ZNF75A: variants seen among roughly 807,000 people sequenced by gnomAD.
ZNF75A encodes the protein zinc finger protein 75A.
Under a neutral mutation model 46.3 loss-of-function variants are expected in ZNF75A, and 36 were observed. The ratio of observed to expected loss-of-function variants is 0.78; its 90% CI spans 0.60 to 1.03. The LOEUF (loss-of-function observed/expected upper bound fraction) is 1.03. Among genes scored for constraint, ZNF75A ranks in the 50% least tolerant of loss-of-function variants. The pLI, the probability that ZNF75A is intolerant of heterozygous loss-of-function variation, is 0.00. For missense variants in ZNF75A, 595 were observed against 551.3 expected, an observed-to-expected ratio of 1.08 and a Z score of -0.79; for synonymous variants, 234 against 189.9, an observed-to-expected ratio of 1.23 and a Z score of -1.91.
At chr16:3,320,478 AAACTG>A, downstream of ZNF75A, among the ~76,000 whole-genome samples, 1 of 152,314 alleles carries the variant, frequency 6.6e-6, no homozygotes, top group East Asian at 1.9e-4. Flanking sequence ...CGTGGATACT[AAACTG>A]AGCTGATGCA....
chr16:3,323,390 T>G (rs1596406426), downstream of ZNF75A: 4 of 853,870 alleles, frequency 4.7e-6, no homozygotes, highest in East Asian at 7.2e-5. Flanking sequence ...GACACCAAAC[T>G]TCCCCAGGTG....
At position 3,318,486 on chromosome 16, in the gene ZNF75A, A is replaced by T; in HGVS notation, c.*617A>T. ...GGAAAATAGAAGACATCTCTAATGG[A>T]ATCATGGGGGAAACGGGTTGGAATT... is the stretch of plus-strand genomic sequence containing the variant. On this transcript the variant is annotated 3_prime_UTR_variant, in exon 7 of 7. Coordinates refer to ENST00000669516, the MANE Select transcript of ZNF75A (RefSeq NM_001302109.2). 1.0e-6 allele frequency: 1 copy of T among 985,426 alleles called. No individual in the cohort carries two copies. Among genetic ancestry groups the T allele is most frequent in the Non-Finnish European group, 1.2e-6 (1 of 829,926 alleles). 61.0% of individuals were successfully genotyped at this position (985,426 alleles called of 1,614,324 possible). A position where few individuals can be genotyped will look rare whatever the true frequency, so the allele number is the denominator to read the frequency against.
At chr16:3,315,733 C>T (rs56313873) in intron 5 of ZNF75A, among the ~76,000 whole-genome samples, 37,658 of 152,108 alleles carry the variant, frequency 0.25, 4,950 homozygotes, top group Admixed American at 0.31. Context: ...AGAACCCCAA[C>T]TGATTTTTTG....
chr16:3,311,045 A>G (rs950745535), intron 2 of ZNF75A: 2 of 698,248 alleles, frequency 2.9e-6, no homozygotes, highest in African/African-American at 2.0e-5. Context: ...AAAACTTTTA[A>G]ATTCATTTAT....
chr16:3,322,884 G>C (rs766877824), downstream of ZNF75A: 10 of 985,090 alleles, frequency 1.0e-5, no homozygotes, highest in Non-Finnish European at 1.2e-5. Flanking sequence ...ACAAATGCTA[G>C]AGTTACTCAT....
At chr16:3,319,840 C>G (rs1295090796), downstream of ZNF75A, among the ~76,000 whole-genome samples, 1 of 150,306 alleles carries the variant, frequency 6.7e-6, no homozygotes, top group Non-Finnish European at 1.5e-5. Context: ...CAGTGCTCTC[C>G]TTTCCTGCCT....
intron 5 of ZNF75A, among the ~76,000 whole-genome samples, chr16:3,314,083 A>G (rs1239829502): frequency 1.3e-5 from 2 of 152,044 alleles, no homozygotes; most frequent in Admixed American, 1.3e-4. Flanking sequence ...ATATCTTTTT[A>G]TTAACTTTCC....
intron 4 of ZNF75A, 71 bp downstream of exon 4, chr16:3,312,839 G>T (rs970872989): frequency 9.1e-6 from 11 of 1,213,816 alleles, no homozygotes; most frequent in Non-Finnish European, 1.2e-5. Context: ...TCCAGGAGGG[G>T]TTCAGAGGTG....
chr16:3,311,813 A>C lies in ZNF75A; in HGVS notation c.469A>C (p.Ser157Arg), dbSNP rs976121969. ...VLLGETAEAS[S>R]FGLKPTESQP... ...CTTGGGAGAAACAGCAGAGGCCTCA[A>C]GTTTCGGGCTGAAGCCAACAGAGTC... Residue 157 changes from serine to arginine, a missense_variant, in exon 3 of 7, where the codon AGT becomes CGT. Ser to Arg is a moderately radical substitution (Grantham distance 110, BLOSUM62 -1). Coordinates refer to ENST00000669516, the MANE Select transcript of ZNF75A (RefSeq NM_001302109.2). 27 of 1,049,442 alleles carry C rather than the reference A, an allele frequency of 2.6e-5. No individual in the cohort carries two copies. The Admixed American group carries it at 1.0e-3, about 40-fold the overall frequency. The allele number at this position is 1,049,442 out of a possible 1,614,324, so 65.0% of individuals were successfully genotyped here. A position where few individuals can be genotyped will look rare whatever the true frequency, so the allele number is the denominator to read the frequency against.
Position 3,317,865 on chromosome 16 carries a change from T to C in ZNF75A, c.1610T>C (p.Leu537Pro), listed in dbSNP as rs1961350003. ...CTTCTTAGACACCAGAAACTCCACC[T>C]GTGAAGAGAAGCTTGTCCAGTGTCC... ...SSLLRHQKLHL is the reference protein window; with the variant it reads ...SSLLRHQKLHP Residue 537 changes from leucine (L) to proline (P), a missense_variant, in exon 7 of 7, where the codon CTG (leucine) becomes CCG (proline). By Grantham distance (98) the Leu-to-Pro change is moderately conservative. Transcript: ENST00000669516. 6.2e-7 allele frequency: 1 copy of C among 1,601,464 alleles called. No homozygotes were observed. Among genetic ancestry groups the C allele is most frequent in the Non-Finnish European group, 8.5e-7 (1 of 1,173,322 alleles).
Position 3,314,620 on chromosome 16 carries a change from C to T in ZNF75A, c.823+1445C>T, listed in dbSNP as rs189942452. On this transcript the variant is annotated intron_variant, in intron 5 of 6. Coordinates refer to ENST00000669516, the MANE Select transcript of ZNF75A (RefSeq NM_001302109.2). ...TTCTGCCTTCGCCCCCGTGGGCCCC[C>T]GCCTTTTTTTTTCTTAAATCGTATT... The T allele has an allele frequency of 6.0e-4, 586 of 974,446 alleles. 2 individuals carry two copies. Among genetic ancestry groups the T allele is most frequent in the African/African-American group, 4.2e-3 (242 of 57,130 alleles). The allele number at this position is 974,446 out of a possible 1,614,324, so 60.4% of individuals were successfully genotyped here.
chr16:3,313,298 G>T, intron 5 of ZNF75A, 123 bp downstream of exon 5: 1 of 989,212 alleles, frequency 1.0e-6, no homozygotes, highest in East Asian at 2.5e-5. Flanking sequence ...GATGGTATAG[G>T]GGAGGGTGTA....
At position 3,318,438 on chromosome 16, in the gene ZNF75A, T is replaced by TA. The variant is rs1191316479; in HGVS notation, c.*570dup. The TA allele has an allele frequency of 2.0e-6, 2 of 985,560 alleles. No homozygotes were observed. The highest frequency in any genetic ancestry group is 3.5e-5 in the African/African-American group (2 of 57,232). 61.1% of individuals were successfully genotyped at this position (985,560 alleles called of 1,614,324 possible). On this transcript the variant is annotated 3_prime_UTR_variant, in exon 7 of 7. Coordinates refer to ENST00000669516, the MANE Select transcript of ZNF75A (RefSeq NM_001302109.2). ...CAGATGAACTATTAATGCACTGTCTTATGCCTCTCATTGGTGATGTTTGGA... is the reference window on the plus strand; with the variant it reads ...CAGATGAACTATTAATGCACTGTCTTAATGCCTCTCATTGGTGATGTTTGGA...
chr16:3,319,651 C>T (rs1458849759), downstream of ZNF75A, among the ~76,000 whole-genome samples: 1 of 152,176 alleles, frequency 6.6e-6, no homozygotes, highest in African/African-American at 2.4e-5. Context: ...AATTGCATCC[C>T]CTCATGGAAC....
intron 2 of ZNF75A, among the ~76,000 whole-genome samples, chr16:3,311,250 C>G (rs111333926): frequency 0.032 from 4,911 of 152,028 alleles, 303 homozygotes; most frequent in African/African-American, 0.11. Context: ...CCAGCTTGAC[C>G]AACATGAAGA....
Position 3,318,160 on chromosome 16 carries a change from A to G in ZNF75A, c.*291A>G. The G allele has an allele frequency of 1.6e-5, 18 of 1,139,528 alleles. No homozygotes were observed. The South Asian group carries it at 2.4e-4, about 15-fold the overall frequency. 70.6% of individuals were successfully genotyped at this position (1,139,528 alleles called of 1,614,324 possible). ...TCCAAAACAAAAAGCAGTAACATGC[A>G]TGTTTAATTGCATACCATTCTCTTC... On this transcript the variant is annotated 3_prime_UTR_variant, in exon 7 of 7. Transcript: ENST00000669516.
At chr16:3,321,956 A>T (rs556045713), downstream of ZNF75A, among the ~76,000 whole-genome samples, 4 of 152,204 alleles carry the variant, frequency 2.6e-5, no homozygotes, top group Admixed American at 6.5e-5. Context: ...GTAACAAAAG[A>T]TGGGAGTTCA....
intron 2 of ZNF75A, chr16:3,309,460 A>C (rs1356535421): frequency 6.8e-6 from 1 of 148,052 alleles, no homozygotes; most frequent in Non-Finnish European, 1.5e-5. Flanking sequence ...ACAAAAAAAA[A>C]AAAAACAAAA....
At chr16:3,312,057 C>A in intron 3 of ZNF75A, 109 bp downstream of exon 3, 1 of 485,200 alleles carries the variant, frequency 2.1e-6, no homozygotes, top group Non-Finnish European at 2.7e-6. Flanking sequence ...ATTTGTAAAA[C>A]CAGCCTTGAT....
Sources: allele counts gnomAD v4.1 joint callset (sites outside exome capture counted in the v4.1 genomes callset), GRCh38; gene constraint gnomAD v4.1.1; transcripts MANE v1.5; gene names NCBI Gene and HGNC (gene_info 2026-07-23, HGNC 2026-07-21).